The following C3 variants were observed in gnomAD, a reference collection of about 807,000 sequenced individuals.
The protein encoded by C3 is C3 and PZP-like alpha-2-macroglobulin domain-containing protein 1.
In C3, 97 loss-of-function variants were observed where a neutral mutation model predicts 207.9. That is an observed-to-expected ratio of 0.47 (90% CI 0.40 to 0.55). C3 has a LOEUF of 0.55. Ranked by LOEUF, C3 falls within the 20% of genes least tolerant of loss-of-function variation. The pLI, the probability that C3 is intolerant of heterozygous loss-of-function variation, is 0.00. For missense variants in C3, 1,684 were observed against 2,171.7 expected, an observed-to-expected ratio of 0.78 and a Z score of 4.46; for synonymous variants, 848 against 857.6, an observed-to-expected ratio of 0.99 and a Z score of 0.20.
intron 4 of C3, 32 bp downstream of exon 4, chr19:6,718,062 C>T: frequency 1.2e-6 from 2 of 1,606,814 alleles, no homozygotes; most frequent in Non-Finnish European, 1.7e-6. Flanking sequence ...GCCTGTGCCC[C>T]TGCTTCCCCT....
At position 6,707,934 on chromosome 19, in the gene C3, G is replaced by T. The variant is rs200772969; in HGVS notation, c.1846-5C>A. On this transcript the variant is annotated splice_region_variant and splice_polypyrimidine_tract_variant and intron_variant, in intron 14 of 40. Transcript: ENST00000245907. ...CTTCTCCACCACGTCCCAGATCTGC[G>T]GGGGGCATAGGGGTGGCGGGACGCA... is the stretch of plus-strand genomic sequence containing the variant. 1 of 1,613,422 alleles carries T rather than the reference G, an allele frequency of 6.2e-7. No homozygotes were observed. The highest frequency in any genetic ancestry group is 1.1e-5 in the South Asian group (1 of 91,072).
In C3 at chr19:6,677,886, T is replaced by C. The variant is rs1272002077; in HGVS notation, c.4988A>G (p.Asn1663Ser). 1 of 1,613,792 alleles carries C rather than the reference T, an allele frequency of 6.2e-7. No individual in the cohort carries two copies. The highest frequency in any genetic ancestry group is 1.3e-5 in the African/African-American group (1 of 74,940). ...AGTGGGGGAATGGGGGTGTGGTCAG[T>C]TGGGGCACCCAAAGACAACCATGCT... ...TESMVVFGCP[N>S] is the part of the protein sequence containing the mutation. The change falls in exon 41 of 41, where the codon AAC becomes AGC. Residue 1663 changes from asparagine to serine, a missense_variant. By Grantham distance (46) the Asn-to-Ser change is conservative. This residue lies in a region of C3 where 346 missense variants were observed against 380.1 expected (regional missense o/e 0.91). Transcript: ENST00000245907.
At chr19:6,683,288 T>A (rs1323136344) in intron 33 of C3, 1 of 151,976 alleles carries the variant, frequency 6.6e-6, no homozygotes, top group African/African-American at 2.4e-5. Flanking sequence ...CAAGCATTTT[T>A]TTGAACTAAA....
At chr19:6,691,406 G>A (rs1008632270) in intron 26 of C3, among the ~76,000 whole-genome samples, 35 of 152,136 alleles carry the variant, frequency 2.3e-4, no homozygotes, top group African/African-American at 4.3e-4. Context: ...AGAGGACATC[G>A]CAGCGATAAT....
intron 26 of C3, among the ~76,000 whole-genome samples, chr19:6,691,507 G>T (rs1599504948): frequency 6.6e-6 from 1 of 152,166 alleles, no homozygotes; most frequent in East Asian, 1.9e-4. Flanking sequence ...AGCATACTAG[G>T]TGGCAGAAAC....
In C3 at chr19:6,686,833, A is replaced by G. The variant is rs1307501898; in HGVS notation, c.3559T>C (p.Tyr1187His). The change falls in exon 28 of 41, where the codon TAC becomes CAC. Residue 1187 changes from tyrosine (Y) to histidine (H), a missense_variant. Tyr to His is a moderately conservative substitution (Grantham distance 83). Transcript: ENST00000245907. The stretch of plus-strand genomic sequence containing the variant: ...GCATAGCCAGCAATGGCCACAGTGT[A>G]GGATCTCTGTAGGTTCATGTAGTTG... Reference protein sequence around the residue: ...EANYMNLQRSYTVAIAGYALA... With the variant: ...EANYMNLQRSHTVAIAGYALA... 6 of 1,613,840 alleles carry G rather than the reference A, an allele frequency of 3.7e-6. No homozygotes were observed. Among genetic ancestry groups the G allele is most frequent in the Non-Finnish European group, 5.1e-6 (6 of 1,179,702 alleles).
intron 35 of C3, among the ~76,000 whole-genome samples, chr19:6,681,055 C>T (rs1458605666): frequency 6.6e-6 from 1 of 151,896 alleles, no homozygotes; most frequent in Non-Finnish European, 1.5e-5. Flanking sequence ...AAACAATCAG[C>T]TGGGTACTTA....
chr19:6,709,618 C>CCCCA, intron 14 of C3, 66 bp downstream of exon 14: 49 of 1,104,084 alleles, frequency 4.4e-5, no homozygotes, highest in East Asian at 8.2e-5. Context: ...CAGTCCCACC[C>CCCCA]ACCTCCCCCA....
chr19:6,689,331 C>A (rs73498313), intron 27 of C3, among the ~76,000 whole-genome samples: 12,636 of 45,164 alleles, frequency 0.28, 2,107 homozygotes, highest in African/African-American at 0.44. Flanking sequence ...CTACCTACCT[C>A]CCTCCCTCCC....
chr19:6,686,178 G>C lies in C3; in HGVS notation c.3756C>G (p.Val1252=). The part of the protein sequence containing the change: ...QLKDFDFVPP[V]VRWLNEQRYY... ...ATCTCTGTTCATTGAGCCAACGCAC[G>C]ACGGGAGGCACAAAGTCAAAGTCTT... The change falls in exon 29 of 41, where the codon GTC becomes GTG. Residue 1252 remains valine (V), a synonymous_variant. Coordinates refer to ENST00000245907, the MANE Select transcript of C3 (RefSeq NM_000064.4). The C allele has an allele frequency of 1.2e-6, 2 of 1,614,182 alleles. No individual in the cohort carries two copies. Among genetic ancestry groups the C allele is most frequent in the Non-Finnish European group, 1.7e-6 (2 of 1,180,016 alleles).
chr19:6,679,472 T>C lies in C3; in HGVS notation c.4481A>G (p.His1494Arg). 6.2e-7 allele frequency: 1 copy of C among 1,613,584 alleles called. No individual in the cohort carries two copies. Among genetic ancestry groups the C allele is most frequent in the Non-Finnish European group, 8.5e-7 (1 of 1,179,498 alleles). The change falls in exon 37 of 41, where the codon CAT (histidine) becomes CGT (arginine). Residue 1494 changes from histidine to arginine, a missense_variant. Physicochemically the swap from His to Arg is conservative, Grantham distance 29. Around this residue, in one of 3 missense-constraint regions of C3, gnomAD observed 346 missense variants for 380.1 expected, o/e 0.91. Transcript: ENST00000245907. ...NLEESCTRFY[H>R]PEKEDGKLNK... ...CAGCTTTCCATCCTCCTTTTCCGGA[T>C]GGTAGAACCGGGTACAGCTTTCCTC...
intron 35 of C3, among the ~76,000 whole-genome samples, chr19:6,681,650 TA>T (rs74801049): frequency 6.1e-4 from 91 of 149,802 alleles, no homozygotes; most frequent in Non-Finnish European, 1.1e-3. Context: ...ACAAAGCACT[TA>T]AAAAAAAAAC....
Position 6,689,140 on chromosome 19 carries a change from G to C in C3, c.3489+1489C>G, listed in dbSNP as rs568564989. On this transcript the variant is annotated intron_variant, in intron 27 of 40. Coordinates refer to ENST00000245907, the MANE Select transcript of C3 (RefSeq NM_000064.4). ...CCCCATCAATTTTTGTATAATCTGG[G>C]TCACATGTGTGTTATATCTGGGACA... Among the ~76,000 whole-genome samples, 7 of 151,962 alleles carry C rather than the reference G, an allele frequency of 4.6e-5. No homozygotes were observed. The South Asian group carries it at 1.5e-3, about 32-fold the overall frequency.
intron 7 of C3, 146 bp downstream of exon 7, chr19:6,713,846 A>ACCCCCAGCCCCCCACCTTCCCCC: frequency 3.6e-5 from 1 of 27,882 alleles, no homozygotes. Context: ...CACCTTCCCC[A>ACCCCCAGCCCCCCACCTTCCCCC]CCCCCAGCCC....
chr19:6,714,037 T>C lies in C3; in HGVS notation c.728A>G (p.Tyr243Cys). 6.2e-7 allele frequency: 1 copy of C among 1,611,218 alleles called. No homozygotes were observed. Among genetic ancestry groups the C allele is most frequent in the Non-Finnish European group, 8.5e-7 (1 of 1,179,368 alleles). ...EVIVEPTEKFYYIYNEKGLEV... is the reference protein window; with the variant it reads ...EVIVEPTEKFCYIYNEKGLEV... ...CAGGCCCTTCTCGTTATAGATGTAG[T>C]AGAATTTCTCTGTAGGCTCCACTAT... The change falls in exon 7 of 41, where the codon TAC becomes TGC. Residue 243 changes from tyrosine (Y) to cysteine (C), a missense_variant. Coordinates refer to ENST00000245907, the MANE Select transcript of C3 (RefSeq NM_000064.4).
chr19:6,684,885 T>A (rs1171301279), intron 30 of C3, 51 bp from the exon 31 acceptor site: 2 of 1,609,364 alleles, frequency 1.2e-6, no homozygotes, highest in Admixed American at 1.7e-5. Context: ...AGCCTTCTGC[T>A]GCCTGTGATG....
At chr19:6,689,327 ACCTCCCTC>A (rs1299356209) in intron 27 of C3, among the ~76,000 whole-genome samples, 5 of 49,722 alleles carry the variant, frequency 1.0e-4, no homozygotes, top group African/African-American at 4.4e-4. Context: ...CTCTCTACCT[ACCTCCCTC>A]CCTCCCTCCC....
Position 6,678,473 on chromosome 19 carries a change from A to G in C3, c.4631-18T>C. 6.2e-7 allele frequency: 1 copy of G among 1,612,180 alleles called. No homozygotes were observed. The highest frequency in any genetic ancestry group is 8.5e-7 in the Non-Finnish European group (1 of 1,178,494). ...CTTGTACACTGTGGGGGAGAGGCAG[A>G]CAGTTTGGGTGGTGGGCTAGGTTGA... On this transcript the variant is annotated intron_variant, in intron 38 of 40. Coordinates refer to ENST00000245907, the MANE Select transcript of C3 (RefSeq NM_000064.4).
At position 6,706,851 on chromosome 19, in the gene C3, GACCTCCTCCCTCCTCA is replaced by G. The variant is rs1417593875; in HGVS notation, c.2245+209_2245+224del. ...AAGGCCTCCTCCCTCCTCAGACAGG[GACCTCCTCCCTCCTCA>G]GACGGAGGTTTCCTCCCTCCTCAGA... is the stretch of plus-strand genomic sequence containing the variant. On this transcript the variant is annotated intron_variant, in intron 17 of 40. Transcript: ENST00000245907. Among the ~76,000 whole-genome samples the G allele has an allele frequency of 8.6e-3, 1,056 of 123,336 alleles. 22 individuals carry two copies. The highest frequency in any genetic ancestry group is 0.036 in the African/African-American group (988 of 27,528). The allele number at this position is 123,336 out of a possible 152,430, so 80.9% of individuals were successfully genotyped here.
Sources: gnomAD v4.1 joint callset for allele counts (sites outside exome capture counted in the v4.1 genomes callset) on GRCh38, gnomAD v4.1.1 for gene constraint, gnomAD v4.1.1 regional missense constraint, MANE v1.5 for transcripts, NCBI Gene and HGNC (gene_info 2026-07-23, HGNC 2026-07-21) for gene names.